The following SEPTIN7 variants were observed in gnomAD, a reference collection of about 807,000 sequenced individuals.
SEPTIN7 encodes the protein septin 7, also known as septin-7.
SEPTIN7 carries 10 observed loss-of-function variants against 63.3 expected under a neutral mutation model. The observed-to-expected ratio is 0.16, with a 90% CI of 0.10 to 0.27. SEPTIN7 has a LOEUF of 0.27. Among genes scored for constraint, SEPTIN7 ranks in the 10% least tolerant of loss-of-function variants. SEPTIN7 has a pLI of 1.00. For missense variants in SEPTIN7, 310 were observed against 521.0 expected (o/e 0.59, Z 3.94); for synonymous variants, 131 against 165.3 (o/e 0.79, Z 1.59).
At chr7:35,867,804 A>AT in intron 4 of SEPTIN7, among the ~76,000 whole-genome samples, 1 of 151,204 alleles carries the variant, frequency 6.6e-6, no homozygotes, top group East Asian at 1.9e-4. Context: ...ACACTGTTAG[A>AT]TTTTTTAAAG....
At position 35,894,865 on chromosome 7, in the gene SEPTIN7, A is replaced by G. The variant is rs562171426; in HGVS notation, c.999-3383A>G. ...GTCATATGTAATGCAGCAAAGTAGA[A>G]CTTGACTAGGTCATCCTTATGTGGC... On this transcript the variant is annotated intron_variant, in intron 11 of 13. Transcript: ENST00000350320. Among the ~76,000 whole-genome samples the G allele has an allele frequency of 5.0e-4, 76 of 152,302 alleles. 1 individual carries two copies. The highest frequency in any genetic ancestry group is 5.2e-4 in the Admixed American group (8 of 15,300).
chr7:35,830,056 C>T (rs1783753187), intron 1 of SEPTIN7, among the ~76,000 whole-genome samples: 1 of 151,772 alleles, frequency 6.6e-6, no homozygotes, highest in African/African-American at 2.4e-5. Context: ...TGTGGTGGCA[C>T]ATGCCTGTAA....
chr7:35,888,264 A>C (rs1411619735), intron 10 of SEPTIN7, among the ~76,000 whole-genome samples: 1 of 152,232 alleles, frequency 6.6e-6, no homozygotes, highest in Non-Finnish European at 1.5e-5. Flanking sequence ...AAAATGATAA[A>C]GTATATTTAA....
intron 3 of SEPTIN7, among the ~76,000 whole-genome samples, chr7:35,862,804 CT>C (rs2116148226): frequency 1.3e-5 from 2 of 152,118 alleles, no homozygotes; most frequent in Admixed American, 1.3e-4. Context: ...TTATTTTAAC[CT>C]TAGGTTATAT....
chr7:35,887,576 AC>A (rs1787339384), intron 10 of SEPTIN7, among the ~76,000 whole-genome samples: 1 of 152,134 alleles, frequency 6.6e-6, no homozygotes. Context: ...CAAACTCCTG[AC>A]CTCAAGTAAA....
chr7:35,897,217 C>T (rs1788006368), intron 11 of SEPTIN7, among the ~76,000 whole-genome samples: 1 of 152,126 alleles, frequency 6.6e-6, no homozygotes, highest in Admixed American at 6.5e-5. Flanking sequence ...ATGGTCAAAG[C>T]CTGTTTTTAT....
downstream of SEPTIN7, among the ~76,000 whole-genome samples, chr7:35,908,698 C>G (rs1016225160): frequency 1.1e-4 from 17 of 152,146 alleles, no homozygotes; most frequent in African/African-American, 3.9e-4. Flanking sequence ...TCTTTGTTCT[C>G]TCTTCGAGGT....
chr7:35,840,848 T>G (rs555597200), intron 3 of SEPTIN7, among the ~76,000 whole-genome samples: 1 of 152,180 alleles, frequency 6.6e-6, no homozygotes, highest in African/African-American at 2.4e-5. Flanking sequence ...CCAAATGTTA[T>G]GGAAGTTTAG....
chr7:35,809,637 G>T (rs2115688328), intron 1 of SEPTIN7, among the ~76,000 whole-genome samples: 1 of 152,322 alleles, frequency 6.6e-6, no homozygotes, highest in East Asian at 1.9e-4. Context: ...TTGAAAGTCG[G>T]TAGGAGTGAT....
At chr7:35,877,467 C>G (rs1248875007) in intron 6 of SEPTIN7, among the ~76,000 whole-genome samples, 1 of 152,074 alleles carries the variant, frequency 6.6e-6, no homozygotes. Flanking sequence ...ATATGTTTCT[C>G]TTTCTTTATT....
intron 3 of SEPTIN7, among the ~76,000 whole-genome samples, chr7:35,855,503 CT>C (rs988852216): frequency 6.6e-5 from 10 of 152,260 alleles, no homozygotes; most frequent in South Asian, 4.1e-4. Context: ...AGAACCACCC[CT>C]GATGGTTGAC....
At position 35,851,027 on chromosome 7, in the gene SEPTIN7, C is replaced by T. The variant is rs28516931; in HGVS notation, c.170-12525C>T. 1.1e-3 allele frequency among the ~76,000 whole-genome samples: 171 copies of T among 152,148 alleles called. 4 individuals carry two copies. The highest frequency in any genetic ancestry group is 1.9e-3 in the Admixed American group (29 of 15,286). On this transcript the variant is annotated intron_variant, in intron 3 of 13. Transcript: ENST00000350320. ...ATCCCAAAGACCTGAAGAAACCTGA[C>T]GTTAGCTATTATAAACAAATATTAT...
chr7:35,863,247 A>T (rs1785611370), intron 3 of SEPTIN7, among the ~76,000 whole-genome samples: 1 of 151,910 alleles, frequency 6.6e-6, no homozygotes, highest in African/African-American at 2.4e-5. Flanking sequence ...GGATTTTTTA[A>T]TAATGACATT....
intron 3 of SEPTIN7, among the ~76,000 whole-genome samples, chr7:35,857,555 G>A (rs1176775593): frequency 2.0e-5 from 3 of 152,174 alleles, no homozygotes; most frequent in Non-Finnish European, 4.4e-5. Flanking sequence ...CATAATTTCA[G>A]TGTTAAGTAG....
At chr7:35,835,745 A>AGT (rs1202889023) in intron 3 of SEPTIN7, among the ~76,000 whole-genome samples, 2 of 152,276 alleles carry the variant, frequency 1.3e-5, no homozygotes, top group African/African-American at 4.8e-5. Context: ...TCTGGCCTAG[A>AGT]GTGGGTGTGA....
intron 3 of SEPTIN7, among the ~76,000 whole-genome samples, chr7:35,849,792 G>T (rs1450208033): frequency 2.0e-5 from 3 of 152,076 alleles, no homozygotes; most frequent in African/African-American, 7.2e-5. Context: ...ATCAGTAAAA[G>T]GCCTTCTGGT....
intron 11 of SEPTIN7, among the ~76,000 whole-genome samples, chr7:35,894,622 C>G (rs1057156791): frequency 6.6e-6 from 1 of 152,100 alleles, no homozygotes. Flanking sequence ...CATGGCAAAA[C>G]AAAATGTTGG....
At chr7:35,895,089 G>GT in intron 11 of SEPTIN7, among the ~76,000 whole-genome samples, 1 of 152,136 alleles carries the variant, frequency 6.6e-6, no homozygotes, top group African/African-American at 2.4e-5. Flanking sequence ...TCACTGATAG[G>GT]TTTATAAGCT....
chr7:35,914,225 A>G, the SEPTIN7 span, among the ~76,000 whole-genome samples: 3 of 152,236 alleles, frequency 2.0e-5, no homozygotes, highest in African/African-American at 7.2e-5. Context: ...AATATAGCAT[A>G]TTTTAATTAT....
Sources: allele counts gnomAD v4.1 joint callset (sites outside exome capture counted in the v4.1 genomes callset), GRCh38; gene constraint gnomAD v4.1.1; transcripts MANE v1.5; gene names NCBI Gene and HGNC (gene_info 2026-07-23, HGNC 2026-07-21).